The following ECRG4 variants were observed in gnomAD, a reference collection of about 807,000 sequenced individuals.
The protein encoded by ECRG4 is augurin.
In ECRG4, 18 loss-of-function variants were observed where a neutral mutation model predicts 15.8. The observed-to-expected ratio is 1.14, with a 90% CI of 0.79 to 1.69. ECRG4 has a LOEUF of 1.69. ECRG4 is among the 40% of genes most tolerant of loss of function. ECRG4 has a pLI of 0.00. For synonymous variants in ECRG4, 82 were observed against 73.9 expected (o/e 1.11, Z -0.56); for missense variants, 200 against 190.9 (o/e 1.05, Z -0.28).
intron 2 of ECRG4, among the ~76,000 whole-genome samples, chr2:106,073,060 C>T (rs1676406212): frequency 6.6e-6 from 1 of 152,198 alleles, no homozygotes; most frequent in Non-Finnish European, 1.5e-5. Flanking sequence ...ACGAATGCAC[C>T]AGGCCTGCAT....
chr2:106,077,756 T>C lies in ECRG4; in HGVS notation c.286-9T>C. On this transcript the variant is annotated splice_polypyrimidine_tract_variant and intron_variant, in intron 3 of 3. Transcript: ENST00000238044. ...TCCATTCTCTATCATTCTCTCTCTTTTCCTCCAGAAATTTGAAGATGACAT... is the reference window on the plus strand; with the variant it reads ...TCCATTCTCTATCATTCTCTCTCTTCTCCTCCAGAAATTTGAAGATGACAT... 1 of 1,613,382 alleles carries C rather than the reference T, an allele frequency of 6.2e-7. No individual in the cohort carries two copies. Among genetic ancestry groups the C allele is most frequent in the Non-Finnish European group, 8.5e-7 (1 of 1,179,438 alleles).
chr2:106,064,627 A>C (rs1022231416), upstream of ECRG4, among the ~76,000 whole-genome samples: 1 of 152,204 alleles, frequency 6.6e-6, no homozygotes, highest in Non-Finnish European at 1.5e-5. Flanking sequence ...GCAGTGACTG[A>C]GATCCCATCA....
chr2:106,077,548 T>C lies in ECRG4; in HGVS notation c.286-217T>C, dbSNP rs1279559257. Among the ~76,000 whole-genome samples the C allele has an allele frequency of 6.6e-5, 10 of 152,344 alleles. 1 individual carries two copies. In the South Asian group the frequency reaches 1.9e-3, roughly 28 times the overall value. Reference sequence around the variant, plus strand: ...TATTTTACAAAAGTTTGCAAAGGTATGGGCCTGCACTCCTTTGGGAAAAGA... The same window carrying C: ...TATTTTACAAAAGTTTGCAAAGGTACGGGCCTGCACTCCTTTGGGAAAAGA... On this transcript the variant is annotated intron_variant, in intron 3 of 3. Transcript: ENST00000238044.
At chr2:106,064,871 G>A (rs1337680178), upstream of ECRG4, among the ~76,000 whole-genome samples, 1 of 152,206 alleles carries the variant, frequency 6.6e-6, no homozygotes, top group African/African-American at 2.4e-5. Context: ...TGTTCACTAC[G>A]CCTCCTTTCA....
chr2:106,069,275 T>C (rs1676304413), intron 1 of ECRG4, among the ~76,000 whole-genome samples: 2 of 151,076 alleles, frequency 1.3e-5, no homozygotes, highest in Admixed American at 1.3e-4. Context: ...TTTTCTTTCT[T>C]TCTTTTTCTC....
chr2:106,068,551 T>C (rs548503494), intron 1 of ECRG4, among the ~76,000 whole-genome samples: 10 of 152,308 alleles, frequency 6.6e-5, no homozygotes, highest in African/African-American at 1.9e-4. Context: ...TCTGGAGTAA[T>C]AGTGACATAC....
chr2:106,076,793 A>G (rs1470871640), intron 3 of ECRG4, among the ~76,000 whole-genome samples: 1 of 152,136 alleles, frequency 6.6e-6, no homozygotes, highest in Non-Finnish European at 1.5e-5. Flanking sequence ...CCACGCTTGG[A>G]GAAAAACTGG....
chr2:106,065,267 T>C (rs1370127873), upstream of ECRG4, among the ~76,000 whole-genome samples: 1 of 148,322 alleles, frequency 6.7e-6, no homozygotes, highest in Non-Finnish European at 1.5e-5. Context: ...GGGTGAGGAG[T>C]AAGGGGAACA....
Position 106,073,963 on chromosome 2 carries a change from A to G in ECRG4, c.205A>G (p.Lys69Glu), listed in dbSNP as rs746593816. Residue 69 changes from lysine (K) to glutamate (E), a missense_variant, in exon 3 of 4, where the codon AAG becomes GAG. Transcript: ENST00000238044. ...ATTCCTTGGCAGCCTGAAGCGCCAG[A>G]AGCGGCAGCTGTGGGACCGGACTCG... ...KEFLGSLKRQ[K>E]RQLWDRTRPE... 6.2e-6 allele frequency: 10 copies of G among 1,614,128 alleles called. No homozygotes were observed. The South Asian group carries it at 1.1e-4, about 18-fold the overall frequency.
intron 1 of ECRG4, chr2:106,070,713 C>G (rs1259618247): frequency 1.1e-5 from 3 of 264,248 alleles, no homozygotes; most frequent in African/African-American, 4.4e-5. Context: ...TTTTAAGAGT[C>G]TGGCAAAAGC....
Position 106,065,781 on chromosome 2 carries a change from C to T in ECRG4, c.17C>T (p.Ala6Val), listed in dbSNP as rs1347587469. Reference protein sequence around the residue: MAASPARPAVLALTGL... With the variant: MAASPVRPAVLALTGL... ...CCCGCCGCCATGGCTGCCTCCCCCG[C>T]GCGGCCTGCTGTCCTGGCCCTGACC... Residue 6 changes from alanine to valine, a missense_variant, in exon 1 of 4, where the codon GCG (alanine) becomes GTG (valine). Ala to Val is a moderately conservative substitution (Grantham distance 64). Coordinates refer to ENST00000238044, the MANE Select transcript of ECRG4 (RefSeq NM_032411.3). 6 of 1,483,264 alleles carry T rather than the reference C, an allele frequency of 4.0e-6. No individual in the cohort carries two copies. The South Asian group carries it at 5.1e-5, about 13-fold the overall frequency. 91.9% of individuals were successfully genotyped at this position (1,483,264 alleles called of 1,614,324 possible).
intron 3 of ECRG4, 144 bp downstream of exon 3, chr2:106,074,187 C>T: frequency 1.1e-6 from 1 of 893,768 alleles, no homozygotes; most frequent in East Asian, 2.6e-5. Flanking sequence ...CAAGTGCTAT[C>T]AGGCACTGGA....
Position 106,067,059 on chromosome 2 carries a change from CGGGGGGGG to C in ECRG4, c.79+1225_79+1232del, listed in dbSNP as rs1171603168. ...CTGTAATCCCAGCACTTTGGGAGGC[CGGGGGGGG>C]GGGGGGGGCAGATCACCTGAGGTCG... On this transcript the variant is annotated intron_variant, in intron 1 of 3. Coordinates refer to ENST00000238044, the MANE Select transcript of ECRG4 (RefSeq NM_032411.3). Among the ~76,000 whole-genome samples the C allele has an allele frequency of 1.2e-3, 5 of 4,262 alleles. 1 individual carries two copies. The highest frequency in any genetic ancestry group is 0.016 in the South Asian group (2 of 124). 2.8% of individuals were successfully genotyped at this position (4,262 alleles called of 152,430 possible). A position where few individuals can be genotyped will look rare whatever the true frequency, so the allele number is the denominator to read the frequency against.
intron 3 of ECRG4, among the ~76,000 whole-genome samples, chr2:106,076,688 C>G (rs1190503126): frequency 6.6e-6 from 1 of 152,154 alleles, no homozygotes; most frequent in Non-Finnish European, 1.5e-5. Flanking sequence ...CAACAGGTTG[C>G]TGAGTCCCAA....
intron 3 of ECRG4, 101 bp downstream of exon 3, chr2:106,074,144 G>A: frequency 7.1e-7 from 1 of 1,399,578 alleles, no homozygotes; most frequent in Non-Finnish European, 9.9e-7. Context: ...CAGCTTTGCT[G>A]TTCATTCCTA....
Position 106,067,130 on chromosome 2 carries a change from C to T in ECRG4, c.79+1287C>T, listed in dbSNP as rs563037537. Among the ~76,000 whole-genome samples, 119 of 137,546 alleles carry T rather than the reference C, an allele frequency of 8.7e-4. 1 individual carries two copies. The highest frequency in any genetic ancestry group is 6.1e-3 in the Admixed American group (73 of 11,870). 90.2% of individuals were successfully genotyped at this position (137,546 alleles called of 152,430 possible). On this transcript the variant is annotated intron_variant, in intron 1 of 3. Transcript: ENST00000238044. The stretch of plus-strand genomic sequence containing the variant: ...CAGCCTGACCAACATGGAGAAACCC[C>T]GTCTCTACTAAAAATGCCAGACGTG...
intron 1 of ECRG4, among the ~76,000 whole-genome samples, chr2:106,066,448 C>A (rs1337268063): frequency 6.6e-6 from 1 of 152,248 alleles, no homozygotes; most frequent in Admixed American, 6.5e-5. Flanking sequence ...TTCACACGCA[C>A]ACCCAGAATG....
At chr2:106,064,519 A>C (rs905308730), upstream of ECRG4, among the ~76,000 whole-genome samples, 8 of 152,186 alleles carry the variant, frequency 5.3e-5, no homozygotes, top group African/African-American at 1.9e-4. Flanking sequence ...CTCTACTAAA[A>C]ATACAAAATT....
intron 1 of ECRG4, among the ~76,000 whole-genome samples, chr2:106,066,786 G>A (rs1339350844): frequency 6.6e-6 from 1 of 152,144 alleles, no homozygotes; most frequent in Admixed American, 6.5e-5. Context: ...TTCGAAACAG[G>A]TATGGAAACT....
Sources: gnomAD v4.1 joint callset for allele counts (sites outside exome capture counted in the v4.1 genomes callset) on GRCh38, gnomAD v4.1.1 for gene constraint, MANE v1.5 for transcripts, NCBI Gene and HGNC (gene_info 2026-07-23, HGNC 2026-07-21) for gene names.